The following SCLT1 variants were observed in gnomAD, a reference collection of about 807,000 sequenced individuals.
SCLT1 encodes sodium channel and clathrin linker 1, also known as sodium channel-associated protein 1.
A neutral mutation model predicts 112.8 loss-of-function variants in SCLT1; 78 were observed. The ratio of observed to expected loss-of-function variants is 0.69; its 90% CI spans 0.58 to 0.83. The LOEUF is 0.83. Ranked by LOEUF, SCLT1 falls within the 40% of genes least tolerant of loss-of-function variation. The pLI, the probability that SCLT1 is intolerant of heterozygous loss-of-function variation, is 0.00. For synonymous variants in SCLT1, 257 were observed against 254.7 expected, an observed-to-expected ratio of 1.01 and a Z score of -0.09; for missense variants, 747 against 770.4, an observed-to-expected ratio of 0.97 and a Z score of 0.36.
chr4:128,991,369 C>G (rs1023949424), intron 9 of SCLT1, among the ~76,000 whole-genome samples: 3 of 151,756 alleles, frequency 2.0e-5, no homozygotes, highest in African/African-American at 7.3e-5. Context: ...AACTATGAAA[C>G]TACTAGAAGA....
At chr4:128,932,934 T>A (rs535458755) in intron 18 of SCLT1, among the ~76,000 whole-genome samples, 409 of 152,236 alleles carry the variant, frequency 2.7e-3, no homozygotes, top group Middle Eastern at 0.01. Context: ...CAAAAACTGA[T>A]AAAAGAAATT....
At chr4:128,981,231 CTT>C (rs1741622171) in intron 9 of SCLT1, among the ~76,000 whole-genome samples, 1 of 152,182 alleles carries the variant, frequency 6.6e-6, no homozygotes, top group Admixed American at 6.5e-5. Flanking sequence ...TCCAAACTCT[CTT>C]TGTCCATTCC....
intron 18 of SCLT1, among the ~76,000 whole-genome samples, chr4:128,908,655 A>T (rs984006762): frequency 6.6e-6 from 1 of 152,222 alleles, no homozygotes; most frequent in Non-Finnish European, 1.5e-5. Flanking sequence ...AAATATTTAG[A>T]TCCCTGTCTG....
At chr4:129,042,730 C>A (rs965995166) in intron 4 of SCLT1, among the ~76,000 whole-genome samples, 1 of 152,108 alleles carries the variant, frequency 6.6e-6, no homozygotes, top group Non-Finnish European at 1.5e-5. Flanking sequence ...ACTAAAGCCT[C>A]GACCTCCCAG....
chr4:128,887,641 A>AT (rs1220068179), intron 20 of SCLT1, among the ~76,000 whole-genome samples: 7 of 152,026 alleles, frequency 4.6e-5, no homozygotes, highest in Non-Finnish European at 8.8e-5. Flanking sequence ...AACTGGTCTC[A>AT]TTTTGTTCCT....
At chr4:129,081,633 G>A (rs1751947886) in intron 2 of SCLT1, among the ~76,000 whole-genome samples, 1 of 152,184 alleles carries the variant, frequency 6.6e-6, no homozygotes, top group Non-Finnish European at 1.5e-5. Flanking sequence ...AGAAGGGCAA[G>A]GGGGAAATTT....
intron 2 of SCLT1, among the ~76,000 whole-genome samples, chr4:129,071,826 T>C (rs1751035886): frequency 6.6e-6 from 1 of 152,190 alleles, no homozygotes; most frequent in East Asian, 1.9e-4. Context: ...TGAGGTACTG[T>C]TGCATTCACC....
intron 6 of SCLT1, 129 bp from the exon 7 acceptor site, chr4:128,999,923 G>T: frequency 2.2e-6 from 1 of 454,356 alleles, no homozygotes; most frequent in South Asian, 9.0e-5. Flanking sequence ...GTGTAAAGAT[G>T]GTATTATAGT....
intron 18 of SCLT1, among the ~76,000 whole-genome samples, chr4:128,921,949 A>G (rs1479951670): frequency 1.3e-5 from 2 of 152,194 alleles, no homozygotes; most frequent in Non-Finnish European, 2.9e-5. Flanking sequence ...CAAATTTATA[A>G]GAAAAAAACA....
chr4:128,944,627 A>G (rs1417399781), intron 16 of SCLT1: 1 of 152,218 alleles, frequency 6.6e-6, no homozygotes, highest in Non-Finnish European at 1.5e-5. Context: ...CATTCCTGAA[A>G]TTAGAAATGG....
intron 18 of SCLT1, 55 bp from the exon 19 acceptor site, chr4:128,891,192 A>G (rs1331228486): frequency 5.3e-6 from 7 of 1,308,770 alleles, no homozygotes; most frequent in Non-Finnish European, 7.7e-6. Context: ...AGAAAACAGA[A>G]TCTTTATTAG....
At chr4:128,935,202 T>C (rs747943360) in intron 18 of SCLT1, among the ~76,000 whole-genome samples, 20 of 151,990 alleles carry the variant, frequency 1.3e-4, no homozygotes, top group Non-Finnish European at 1.5e-4. Context: ...TTTAGTGCTC[T>C]TTGTAGATGC....
chr4:129,031,146 G>C (rs1372009980), intron 5 of SCLT1, among the ~76,000 whole-genome samples: 1 of 151,874 alleles, frequency 6.6e-6, no homozygotes, highest in Non-Finnish European at 1.5e-5. Context: ...TAGGATACAA[G>C]GCTGGTTCAA....
At chr4:129,005,409 G>GA (rs552517949) in intron 5 of SCLT1, among the ~76,000 whole-genome samples, 92 of 152,220 alleles carry the variant, frequency 6.0e-4, no homozygotes, top group African/African-American at 2.0e-3. Context: ...AAAGACACAT[G>GA]AAAAAATGCT....
intron 5 of SCLT1, among the ~76,000 whole-genome samples, chr4:129,032,315 T>C (rs1179943026): frequency 6.6e-6 from 1 of 152,094 alleles, no homozygotes; most frequent in Non-Finnish European, 1.5e-5. Context: ...GACCCCTTCC[T>C]TACACCTTAT....
intron 2 of SCLT1, among the ~76,000 whole-genome samples, chr4:129,072,110 T>C (rs1751067981): frequency 6.6e-6 from 1 of 152,170 alleles, no homozygotes. Context: ...TGGCTGATAA[T>C]TGTTTTGTCC....
intron 18 of SCLT1, among the ~76,000 whole-genome samples, chr4:128,894,170 G>A (rs1022412723): frequency 6.6e-5 from 10 of 151,962 alleles, no homozygotes; most frequent in African/African-American, 2.4e-4. Flanking sequence ...TAGAACTCCT[G>A]GGCTCAAGCA....
At chr4:128,931,502 G>A (rs1440367949) in intron 18 of SCLT1, among the ~76,000 whole-genome samples, 4 of 152,006 alleles carry the variant, frequency 2.6e-5, no homozygotes, top group South Asian at 2.1e-4. Context: ...TCACTCTGTC[G>A]CCCAGGCTGG....
Position 128,939,209 on chromosome 4 carries a change from A to G in SCLT1, c.1633-2358T>C, listed in dbSNP as rs953995648. On this transcript the variant is annotated intron_variant, in intron 17 of 20. Transcript: ENST00000281142. ...CCCTTGCCTTTCTTTTATTTCCACTATAATGCCTTTTTATTCTTTGGTTCT... is the reference window on the plus strand; with the variant it reads ...CCCTTGCCTTTCTTTTATTTCCACTGTAATGCCTTTTTATTCTTTGGTTCT... Among the ~76,000 whole-genome samples the G allele has an allele frequency of 4.6e-5, 7 of 152,026 alleles. 1 individual carries two copies. The highest frequency in any genetic ancestry group is 3.9e-4 in the Admixed American group (6 of 15,246).
Sources: allele counts gnomAD v4.1 joint callset (sites outside exome capture counted in the v4.1 genomes callset), GRCh38; gene constraint gnomAD v4.1.1; transcripts MANE v1.5; gene names NCBI Gene and HGNC (gene_info 2026-07-23, HGNC 2026-07-21).